PACRG: variants seen among roughly 807,000 people sequenced by gnomAD.
PACRG encodes parkin coregulated.
Under a neutral mutation model 29.7 loss-of-function variants are expected in PACRG, and 29 were observed. The ratio of observed to expected loss-of-function variants is 0.98; its 90% CI spans 0.73 to 1.33. The LOEUF (loss-of-function observed/expected upper bound fraction) is 1.33, where lower values mean the gene tolerates loss of function less well. Among genes scored for constraint, PACRG ranks in the 40% most tolerant of loss-of-function variants. PACRG has a pLI of 0.00. For missense variants in PACRG, 279 were observed against 316.2 expected (o/e 0.88, Z 0.89); for synonymous variants, 116 against 118.7 (o/e 0.98, Z 0.15).
intron 2 of PACRG, among the ~76,000 whole-genome samples, chr6:162,973,659 C>A (rs1475699632): frequency 6.6e-6 from 1 of 152,084 alleles, no homozygotes; most frequent in Non-Finnish European, 1.5e-5. Flanking sequence ...GCTTATTCAG[C>A]ATATTTATGT....
intron 3 of PACRG, among the ~76,000 whole-genome samples, chr6:163,071,162 C>T (rs1562886951): frequency 6.6e-6 from 1 of 152,046 alleles, no homozygotes; most frequent in Non-Finnish European, 1.5e-5. Flanking sequence ...AACAAAGAAA[C>T]ATTGACTTAA....
At chr6:163,228,863 A>G (rs1476389609) in intron 4 of PACRG, among the ~76,000 whole-genome samples, 2 of 152,214 alleles carry the variant, frequency 1.3e-5, no homozygotes, top group African/African-American at 4.8e-5. Context: ...CTTGAAATTT[A>G]CTGTCTAATT....
At chr6:162,858,702 G>A (rs1791604932) in intron 2 of PACRG, among the ~76,000 whole-genome samples, 1 of 152,156 alleles carries the variant, frequency 6.6e-6, no homozygotes. Flanking sequence ...GAAATGGCAT[G>A]CTCCAATCGG....
intron 2 of PACRG, among the ~76,000 whole-genome samples, chr6:162,880,819 T>C (rs1388131728): frequency 6.6e-6 from 1 of 152,196 alleles, no homozygotes; most frequent in Admixed American, 6.5e-5. Context: ...ATCGCTTTCA[T>C]CTGACTGTGG....
intron 1 of PACRG, among the ~76,000 whole-genome samples, chr6:162,761,517 G>A (rs145525930): frequency 1.3e-3 from 193 of 152,246 alleles, no homozygotes; most frequent in African/African-American, 4.1e-3. Context: ...CAGTGTGCCA[G>A]TTATATCTCT....
intron 2 of PACRG, among the ~76,000 whole-genome samples, chr6:162,852,690 C>T (rs545748203): frequency 1.8e-3 from 268 of 152,216 alleles, no homozygotes; most frequent in African/African-American, 6.1e-3. Context: ...GCATTAATTT[C>T]GAGCCTATGT....
intron 2 of PACRG, among the ~76,000 whole-genome samples, chr6:162,894,390 A>G (rs764281514): frequency 1.3e-5 from 2 of 152,226 alleles, no homozygotes; most frequent in African/African-American, 4.8e-5. Flanking sequence ...ACTAAGATAT[A>G]ATGGTCTTTT....
At chr6:162,949,425 G>T (rs970403372) in intron 2 of PACRG, among the ~76,000 whole-genome samples, 1 of 152,108 alleles carries the variant, frequency 6.6e-6, no homozygotes, top group Non-Finnish European at 1.5e-5. Context: ...GAAGAATACA[G>T]TGTAATGTTC....
chr6:162,803,414 T>C (rs909340789), intron 1 of PACRG, among the ~76,000 whole-genome samples: 2 of 152,118 alleles, frequency 1.3e-5, no homozygotes, highest in African/African-American at 4.8e-5. Flanking sequence ...TGGGAAATCA[T>C]TGATGGATTT....
At chr6:163,200,648 C>A (rs1780658711) in intron 4 of PACRG, among the ~76,000 whole-genome samples, 1 of 152,070 alleles carries the variant, frequency 6.6e-6, no homozygotes, top group Admixed American at 6.6e-5. Flanking sequence ...AAATTTTAAC[C>A]TTTTAACGTT....
intron 4 of PACRG, among the ~76,000 whole-genome samples, chr6:163,218,489 G>A (rs987443579): frequency 5.3e-5 from 8 of 152,032 alleles, no homozygotes; most frequent in South Asian, 4.1e-4. Context: ...CCATGGCCAC[G>A]TCCTCAACAC....
intron 3 of PACRG, among the ~76,000 whole-genome samples, chr6:163,077,942 G>T (rs1001690866): frequency 1.2e-4 from 18 of 152,222 alleles, no homozygotes; most frequent in African/African-American, 4.1e-4. Flanking sequence ...GGACAGCTTA[G>T]CTGTCCCTGC....
chr6:163,015,973 G>T (rs1806060656), intron 2 of PACRG, among the ~76,000 whole-genome samples: 1 of 152,166 alleles, frequency 6.6e-6, no homozygotes, highest in East Asian at 1.9e-4. Context: ...AAGAGAGAGG[G>T]TATGACCTGT....
At chr6:162,830,718 G>A (rs749861131) in intron 2 of PACRG, among the ~76,000 whole-genome samples, 14 of 152,206 alleles carry the variant, frequency 9.2e-5, no homozygotes, top group Non-Finnish European at 1.6e-4. Context: ...GGGGGTAGAC[G>A]TCTTACATTA....
rs189277659 is a variant in PACRG, at chr6:162,861,717, G to C, written c.291+47436G>C. Reference sequence around the variant, plus strand: ...TCGTGGAGATGCAGAGGTGCTGGCAGAAAGTCTTGGGTACTTAACTGTTGG... The same window carrying C: ...TCGTGGAGATGCAGAGGTGCTGGCACAAAGTCTTGGGTACTTAACTGTTGG... On this transcript the variant is annotated intron_variant, in intron 2 of 4. Coordinates refer to ENST00000366888, the MANE Select transcript of PACRG (RefSeq NM_001080379.2). Among the ~76,000 whole-genome samples the C allele has an allele frequency of 5.3e-5, 8 of 152,278 alleles. No individual in the cohort carries two copies. The East Asian group carries it at 7.7e-4, about 15-fold the overall frequency.
At chr6:163,000,879 T>C (rs1208010735) in intron 2 of PACRG, among the ~76,000 whole-genome samples, 1 of 152,192 alleles carries the variant, frequency 6.6e-6, no homozygotes, top group Non-Finnish European at 1.5e-5. Context: ...AAATTACCTA[T>C]GAGCCAAGGC....
In PACRG at chr6:163,179,468, T is replaced by C. The variant is rs528485553; in HGVS notation, c.613+90060T>C. The C allele has an allele frequency of 1.4e-5, 4 of 279,116 alleles. No individual in the cohort carries two copies. The East Asian group carries it at 2.8e-4, about 20-fold the overall frequency. 17.3% of individuals were successfully genotyped at this position (279,116 alleles called of 1,614,324 possible). ...TAATCCCAACACTTTGGGAGGCTGA[T>C]GAAGGTGGATTGCTTCAGCCCGGGA... On this transcript the variant is annotated intron_variant, in intron 4 of 4. Transcript: ENST00000366888.
intron 2 of PACRG, among the ~76,000 whole-genome samples, chr6:163,027,043 A>G (rs546325539): frequency 6.6e-6 from 1 of 152,348 alleles, no homozygotes; most frequent in South Asian, 2.1e-4. Context: ...TTGCTGCAAA[A>G]GGAGCACTCA....
intron 2 of PACRG, among the ~76,000 whole-genome samples, chr6:162,837,709 C>T (rs1789354761): frequency 1.3e-5 from 2 of 152,088 alleles, no homozygotes; most frequent in Non-Finnish European, 2.9e-5. Context: ...AGAACTGAGA[C>T]AACCTTAAAT....
Sources: allele counts gnomAD v4.1 joint callset (sites outside exome capture counted in the v4.1 genomes callset), GRCh38; gene constraint gnomAD v4.1.1; transcripts MANE v1.5; gene names NCBI Gene and HGNC (gene_info 2026-07-23, HGNC 2026-07-21).